Variants in SLC24A2 observed in about 807,000 individuals in gnomAD.
The protein encoded by SLC24A2 is sodium/potassium/calcium exchanger 2.
In SLC24A2, 36 loss-of-function variants were observed where a neutral mutation model predicts 62.0. That is an observed-to-expected ratio of 0.58 (90% CI 0.44 to 0.77). The LOEUF is 0.77. SLC24A2 is among the 30% of genes least tolerant of loss of function. The pLI is 0.00. For synonymous variants in SLC24A2, 358 were observed against 294.0 expected, an observed-to-expected ratio of 1.22 and a Z score of -2.23; for missense variants, 846 against 817.9, an observed-to-expected ratio of 1.03 and a Z score of -0.42.
At chr9:19,762,231 G>C (rs963909378) in intron 2 of SLC24A2, among the ~76,000 whole-genome samples, 2 of 152,144 alleles carry the variant, frequency 1.3e-5, no homozygotes. Context: ...TTAATAGATG[G>C]CAAACATTTT....
intron 2 of SLC24A2, among the ~76,000 whole-genome samples, chr9:19,642,390 G>C (rs925597599): frequency 2.0e-5 from 3 of 152,150 alleles, no homozygotes; most frequent in African/African-American, 7.2e-5. Flanking sequence ...GAGCAGACAG[G>C]GTTGGTGACA....
chr9:19,680,033 CT>C (rs1461948517), intron 2 of SLC24A2, among the ~76,000 whole-genome samples: 5 of 152,154 alleles, frequency 3.3e-5, no homozygotes, highest in African/African-American at 1.2e-4. Flanking sequence ...ATTATGGGCT[CT>C]TCCAACTAAA....
chr9:20,190,840 A>G, the SLC24A2 span, among the ~76,000 whole-genome samples: 11,597 of 152,288 alleles, frequency 0.076, 487 homozygotes, highest in Middle Eastern at 0.12. Flanking sequence ...TTAAAAAGGG[A>G]TGACAAAAAT....
intron 2 of SLC24A2, among the ~76,000 whole-genome samples, chr9:19,698,395 G>C (rs1182494644): frequency 2.0e-5 from 3 of 152,124 alleles, no homozygotes; most frequent in African/African-American, 4.8e-5. Context: ...TGTATATGTA[G>C]ATATTTCAAA....
At chr9:19,875,528 C>G in the SLC24A2 span, among the ~76,000 whole-genome samples, 1 of 152,156 alleles carries the variant, frequency 6.6e-6, no homozygotes, top group East Asian at 1.9e-4. Context: ...TGCAAGGGCT[C>G]CATCTGTGAG....
chr9:19,764,562 C>T (rs542541729), intron 2 of SLC24A2, among the ~76,000 whole-genome samples: 7 of 152,312 alleles, frequency 4.6e-5, no homozygotes, highest in African/African-American at 1.4e-4. Context: ...GTTATTTACG[C>T]AGTAGTCATT....
chr9:19,881,977 T>C, the SLC24A2 span, among the ~76,000 whole-genome samples: 1 of 152,234 alleles, frequency 6.6e-6, no homozygotes, highest in South Asian at 2.1e-4. Flanking sequence ...CTTTAATAAT[T>C]CAACCTATGC....
chr9:19,815,732 T>C, the SLC24A2 span, among the ~76,000 whole-genome samples: 1 of 152,138 alleles, frequency 6.6e-6, no homozygotes, highest in Non-Finnish European at 1.5e-5. Flanking sequence ...TGTTAAGTTT[T>C]GAACACTTTG....
the SLC24A2 span, among the ~76,000 whole-genome samples, chr9:19,805,237 T>C: frequency 1.3e-5 from 2 of 152,174 alleles, no homozygotes; most frequent in African/African-American, 4.8e-5. Context: ...TTACCCTCTT[T>C]AGCTGTACAT....
intron 2 of SLC24A2, among the ~76,000 whole-genome samples, chr9:19,659,188 G>T (rs557824905): frequency 7.2e-5 from 11 of 152,266 alleles, no homozygotes; most frequent in Middle Eastern, 3.4e-3. Context: ...TGAAGGCAGA[G>T]ATTCCAATTA....
At chr9:19,596,488 T>C (rs1443225071) in intron 5 of SLC24A2, among the ~76,000 whole-genome samples, 2 of 152,220 alleles carry the variant, frequency 1.3e-5, no homozygotes, top group African/African-American at 2.4e-5. Context: ...AATCTTCACA[T>C]TGCTGTTCCA....
the SLC24A2 span, among the ~76,000 whole-genome samples, chr9:19,897,745 G>C: frequency 6.6e-6 from 1 of 152,040 alleles, no homozygotes; most frequent in African/African-American, 2.4e-5. Context: ...ATTTTAAAAT[G>C]AGGTAACTGA....
intron 2 of SLC24A2, among the ~76,000 whole-genome samples, chr9:19,679,876 G>GTGTGTC (rs1819668207): frequency 1.3e-5 from 2 of 148,942 alleles, no homozygotes. Flanking sequence ...GTGTGTGTGT[G>GTGTGTC]TGTGTGTCTG....
chr9:19,516,250 T>C lies in SLC24A2; in HGVS notation c.1889A>G (p.Lys630Arg). The change falls in exon 11 of 11, where the codon AAA becomes AGA. Residue 630 changes from lysine to arginine, a missense_variant. Coordinates refer to ENST00000341998, the MANE Select transcript of SLC24A2 (RefSeq NM_020344.4). ...GCCAAACATGATGAAGCCCAGGATT[T>C]TGTTCATTCGCCACTTGCAGAGGGC... ...SIALCKWRMNKILGFIMFGLY... is the reference protein window; with the variant it reads ...SIALCKWRMNRILGFIMFGLY... 1.9e-6 allele frequency: 3 copies of C among 1,613,922 alleles called. No individual in the cohort carries two copies. Among genetic ancestry groups the C allele is most frequent in the Non-Finnish European group, 2.5e-6 (3 of 1,179,936 alleles).
chr9:20,208,230 G>T, the SLC24A2 span, among the ~76,000 whole-genome samples: 1 of 152,204 alleles, frequency 6.6e-6, no homozygotes, highest in Non-Finnish European at 1.5e-5. Flanking sequence ...AGCATTCCAA[G>T]CAGGTTAACG....
At position 19,550,272 on chromosome 9, in the gene SLC24A2, T is replaced by C. The variant is rs2132746591; in HGVS notation, c.1348-4A>G. 1.9e-6 allele frequency: 3 copies of C among 1,613,886 alleles called. No homozygotes were observed. The highest frequency in any genetic ancestry group is 2.5e-6 in the Non-Finnish European group (3 of 1,179,918). On this transcript the variant is annotated splice_polypyrimidine_tract_variant and splice_region_variant and intron_variant, in intron 7 of 10. Transcript: ENST00000341998. The stretch of plus-strand genomic sequence containing the variant: ...GGTCCTCCTCCTCATCAGCGGTCTG[T>C]GGTAGAAAAAGAGGTAAAATTAAAC...
intron 2 of SLC24A2, among the ~76,000 whole-genome samples, chr9:19,664,217 A>T (rs929701113): frequency 4.6e-5 from 7 of 152,248 alleles, no homozygotes; most frequent in African/African-American, 1.7e-4. Flanking sequence ...TAGGAGTCAG[A>T]ATCAAAACAT....
the SLC24A2 span, among the ~76,000 whole-genome samples, chr9:19,955,208 T>C: frequency 6.6e-6 from 1 of 152,064 alleles, no homozygotes; most frequent in Non-Finnish European, 1.5e-5. Context: ...TGATGTATCT[T>C]TATAAGTAAT....
At chr9:20,199,306 A>G in the SLC24A2 span, among the ~76,000 whole-genome samples, 1 of 152,234 alleles carries the variant, frequency 6.6e-6, no homozygotes, top group Non-Finnish European at 1.5e-5. Context: ...AGAGAGGTGT[A>G]TTAGTCACTG....
Sources: allele counts gnomAD v4.1 joint callset (sites outside exome capture counted in the v4.1 genomes callset), GRCh38; gene constraint gnomAD v4.1.1; transcripts MANE v1.5; gene names NCBI Gene and HGNC (gene_info 2026-07-23, HGNC 2026-07-21).